BAIAP2L1: variants seen among roughly 807,000 people sequenced by gnomAD.
BAIAP2L1 encodes the protein BAR/IMD domain containing adaptor protein 2 like 1.
A neutral mutation model predicts 66.3 loss-of-function variants in BAIAP2L1; 35 were observed. The ratio of observed to expected loss-of-function variants is 0.53; its 90% confidence interval spans 0.40 to 0.70. BAIAP2L1 has a LOEUF of 0.70. Among genes scored for constraint, BAIAP2L1 ranks in the 30% least tolerant of loss-of-function variants. BAIAP2L1 has a pLI of 0.00. For missense variants in BAIAP2L1, 622 were observed against 656.9 expected, an observed-to-expected ratio of 0.95 and a Z score of 0.58; for synonymous variants, 269 against 248.7, an observed-to-expected ratio of 1.08 and a Z score of -0.77.
In BAIAP2L1 at chr7:98,310,572, G is replaced by A; in HGVS notation, c.828C>T (p.Thr276=). The change falls in exon 9 of 14, where the codon ACC becomes ACT. Residue 276 remains threonine (T), a synonymous_variant. Coordinates refer to ENST00000005260, the MANE Select transcript of BAIAP2L1 (RefSeq NM_018842.5). ...GCATCTTTGGTGAGCATTTAGAAAG[G>A]GTGTCGTAATCTTTCCTAACCTGTG... is the stretch of plus-strand genomic sequence containing the variant. ...RSNVVRKDYD[T]LSKCSPKMPP... 1 of 1,588,118 alleles carries A rather than the reference G, an allele frequency of 6.3e-7. No individual in the cohort carries two copies. The highest frequency in any genetic ancestry group is 8.5e-7 in the Non-Finnish European group (1 of 1,172,282).
chr7:98,317,500 CCCA>C (rs1801111283), intron 5 of BAIAP2L1, 144 bp from the exon 6 acceptor site: 1 of 928,784 alleles, frequency 1.1e-6, no homozygotes, highest in African/African-American at 1.6e-5. Context: ...GGCTGGGGCC[CCCA>C]CACCCACACC....
chr7:98,299,183 T>A (rs1800315528), intron 12 of BAIAP2L1, among the ~76,000 whole-genome samples: 1 of 151,308 alleles, frequency 6.6e-6, no homozygotes, highest in Non-Finnish European at 1.5e-5. Flanking sequence ...GCCCAGCTAA[T>A]TTTTTTTGTA....
Position 98,353,410 on chromosome 7 carries a change from A to G in BAIAP2L1, c.214+1632T>C, listed in dbSNP as rs908697569. On this transcript the variant is annotated intron_variant, in intron 3 of 13. Transcript: ENST00000005260. ...TATATTATAAATATACATAATATAT[A>G]TATTATAAATATATTTATATTATAT... 1.5e-3 allele frequency among the ~76,000 whole-genome samples: 198 copies of G among 136,472 alleles called. 2 individuals are homozygous for G. The highest frequency in any genetic ancestry group is 5.1e-3 in the African/African-American group (187 of 36,866). The allele number at this position is 136,472 out of a possible 152,430, so 89.5% of individuals were successfully genotyped here.
intron 1 of BAIAP2L1, among the ~76,000 whole-genome samples, chr7:98,378,081 G>A (rs765430370): frequency 2.0e-5 from 3 of 151,906 alleles, no homozygotes; most frequent in East Asian, 1.9e-4. Flanking sequence ...CCTAGGAGGC[G>A]GCAGTTGCAG....
chr7:98,321,302 C>T (rs1801237039), intron 3 of BAIAP2L1, among the ~76,000 whole-genome samples: 1 of 152,184 alleles, frequency 6.6e-6, no homozygotes, highest in Non-Finnish European at 1.5e-5. Flanking sequence ...TTTATCGAAT[C>T]CCCAGAGTAA....
At chr7:98,313,001 G>T (rs559424949) in intron 7 of BAIAP2L1, among the ~76,000 whole-genome samples, 1 of 152,114 alleles carries the variant, frequency 6.6e-6, no homozygotes, top group Non-Finnish European at 1.5e-5. Flanking sequence ...CCTGTCCTGC[G>T]GCTGTGTGCA....
chr7:98,391,530 A>G (rs1398443951), intron 1 of BAIAP2L1, among the ~76,000 whole-genome samples: 1 of 151,826 alleles, frequency 6.6e-6, no homozygotes, highest in African/African-American at 2.4e-5. Context: ...TAACAGAGGG[A>G]AACCCTGACT....
intron 12 of BAIAP2L1, among the ~76,000 whole-genome samples, chr7:98,298,926 C>T (rs942908672): frequency 8.5e-5 from 13 of 152,070 alleles, no homozygotes; most frequent in Non-Finnish European, 1.3e-4. Flanking sequence ...ACTGCAGCCT[C>T]GACCTCCTGG....
At chr7:98,305,321 TAAAA>T (rs10708312) in intron 11 of BAIAP2L1, among the ~76,000 whole-genome samples, 2 of 148,138 alleles carry the variant, frequency 1.4e-5, no homozygotes, top group African/African-American at 5.0e-5. Flanking sequence ...AGCTAAGAGT[TAAAA>T]AAAAAAAAAA....
At chr7:98,312,343 C>T in intron 7 of BAIAP2L1, 79 bp from the exon 8 acceptor site, 1 of 1,442,548 alleles carries the variant, frequency 6.9e-7, no homozygotes, top group East Asian at 2.3e-5. Flanking sequence ...CGTCATATCG[C>T]TGATAACAGA....
intron 1 of BAIAP2L1, chr7:98,385,692 G>T: frequency 1.1e-6 from 1 of 951,436 alleles, no homozygotes; most frequent in Non-Finnish European, 1.6e-6. Flanking sequence ...GGGATTATAG[G>T]CAGGAGCCCC....
At chr7:98,329,514 C>T (rs567218769) in intron 3 of BAIAP2L1, among the ~76,000 whole-genome samples, 18 of 152,122 alleles carry the variant, frequency 1.2e-4, no homozygotes, top group Non-Finnish European at 2.6e-4. Flanking sequence ...GGATAAGCTT[C>T]CCCTGAGGCT....
Position 98,292,976 on chromosome 7 carries a change from C to T in BAIAP2L1, c.*545G>A. The T allele has an allele frequency of 1.7e-6, 2 of 1,193,506 alleles. No homozygotes were observed. Among genetic ancestry groups the T allele is most frequent in the Non-Finnish European group, 1.0e-6 (1 of 963,072 alleles). The allele number at this position is 1,193,506 out of a possible 1,614,324, so 73.9% of individuals were successfully genotyped here. On this transcript the variant is annotated 3_prime_UTR_variant, in exon 14 of 14. Coordinates refer to ENST00000005260, the MANE Select transcript of BAIAP2L1 (RefSeq NM_018842.5). ...GGTTGGAGGGAGGGTGGGGGTTTCT[C>T]CATCTCTGGAAGCTCTACACTTAAA... is the stretch of plus-strand genomic sequence containing the variant.
intron 2 of BAIAP2L1, among the ~76,000 whole-genome samples, chr7:98,357,088 T>C (rs1210816665): frequency 8.4e-6 from 1 of 119,192 alleles, no homozygotes; most frequent in East Asian, 2.7e-4. Flanking sequence ...GGTCTCACTC[T>C]GTTGCCCAGG....
At position 98,304,358 on chromosome 7, in the gene BAIAP2L1, G is replaced by C. The variant is rs1421739212; in HGVS notation, c.1260C>G (p.Ser420Arg). 1.9e-6 allele frequency: 3 copies of C among 1,613,550 alleles called. No individual in the cohort carries two copies. The highest frequency in any genetic ancestry group is 2.2e-5 in the East Asian group (1 of 44,850). The change falls in exon 12 of 14, where the codon AGC becomes AGG. Residue 420 changes from serine to arginine, a missense_variant. By Grantham distance (110) the Ser-to-Arg change is moderately radical. Transcript: ENST00000005260. Reference sequence around the variant, plus strand: ...TCTCAGACAAGTTCACGGTGCTGATGCTTCTCACTGGTGTGGGGCTCAAAC... The same window carrying C: ...TCTCAGACAAGTTCACGGTGCTGATCCTTCTCACTGGTGTGGGGCTCAAAC... ...VPTPSPTPVRSISTVNLSENS... is the reference protein window; with the variant it reads ...VPTPSPTPVRRISTVNLSENS...
intron 12 of BAIAP2L1, among the ~76,000 whole-genome samples, chr7:98,299,014 G>GT (rs1200899693): frequency 1.3e-5 from 2 of 151,720 alleles, no homozygotes; most frequent in African/African-American, 4.8e-5. Context: ...TTAATTTTCT[G>GT]TTTTTTGGTG....
chr7:98,351,206 C>A (rs1473439746), intron 3 of BAIAP2L1, among the ~76,000 whole-genome samples: 1 of 152,146 alleles, frequency 6.6e-6, no homozygotes, highest in Non-Finnish European at 1.5e-5. Context: ...AAACCACACA[C>A]CAGCCCACGA....
At chr7:98,317,606 GTC>G (rs962487682) in intron 5 of BAIAP2L1, among the ~76,000 whole-genome samples, 4 of 150,480 alleles carry the variant, frequency 2.7e-5, no homozygotes, top group African/African-American at 4.9e-5. Context: ...AGTTCACACC[GTC>G]TGCATGCTGG....
intron 2 of BAIAP2L1, among the ~76,000 whole-genome samples, chr7:98,357,925 T>C (rs1254894852): frequency 6.6e-6 from 1 of 152,192 alleles, no homozygotes; most frequent in Non-Finnish European, 1.5e-5. Flanking sequence ...TGCTTTCTGA[T>C]TCTTTGGTCT....
Sources: allele counts gnomAD v4.1 joint callset (sites outside exome capture counted in the v4.1 genomes callset), GRCh38; gene constraint gnomAD v4.1.1; transcripts MANE v1.5; gene names NCBI Gene and HGNC (gene_info 2026-07-23, HGNC 2026-07-21).